The following BAHCC1 variants were observed in gnomAD, a reference collection of about 807,000 sequenced individuals.
BAHCC1 encodes the protein BAH domain and coiled-coil containing 1, also known as BAH and coiled-coil domain-containing protein 1.
A neutral mutation model predicts 88.2 loss-of-function variants in BAHCC1; 43 were observed. That is an observed-to-expected ratio of 0.49 (90% confidence interval 0.38 to 0.63). BAHCC1 has a LOEUF of 0.63. BAHCC1 is among the 20% of genes least tolerant of loss of function. The pLI is 0.00. For synonymous variants in BAHCC1, 1,510 were observed against 745.5 expected (o/e 2.03, Z -16.71); for missense variants, 3,023 against 1,654.8 (o/e 1.83, Z -14.34).
In BAHCC1 at chr17:81,399,770, C is replaced by T. The variant is rs1485023074; in HGVS notation, c.31C>T (p.His11Tyr). Residue 11 changes from histidine to tyrosine, a missense_variant, in exon 2 of 28, where the codon CAT becomes TAT. Physicochemically the swap from His to Tyr is moderately conservative, Grantham distance 83 (BLOSUM62 2). Transcript: ENST00000675386. The surrounding 1 kb of genome is among the most constrained non-coding windows in gnomAD (Gnocchi z 4.5). ...TGGCCGCGACTTTGCGCCGCCGCCG[C>T]ATCTGCTGTCGGAGCGCGGGAGCCT... is the stretch of plus-strand genomic sequence containing the variant. The part of the protein sequence containing the change: MDGRDFAPPP[H>Y]LLSERGSLGH... The T allele has an allele frequency of 3.3e-6, 4 of 1,218,496 alleles. No homozygotes were observed. The highest frequency in any genetic ancestry group is 3.3e-5 in the South Asian group (1 of 29,880). 75.5% of individuals were successfully genotyped at this position (1,218,496 alleles called of 1,614,324 possible).
intron 2 of BAHCC1, among the ~76,000 whole-genome samples, chr17:81,420,203 C>G (rs556125621): frequency 6.6e-6 from 1 of 152,220 alleles, no homozygotes; most frequent in Non-Finnish European, 1.5e-5. Flanking sequence ...CCCTTCTTAG[C>G]CATCCATGGC....
chr17:81,439,836 C>T (rs2143495323), intron 4 of BAHCC1, among the ~76,000 whole-genome samples: 1 of 152,240 alleles, frequency 6.6e-6, no homozygotes, highest in Admixed American at 6.5e-5. Flanking sequence ...GACCCCAACT[C>T]TGAGTGTGAG....
intron 2 of BAHCC1, among the ~76,000 whole-genome samples, chr17:81,423,056 C>G (rs1290826973): frequency 6.6e-6 from 1 of 152,170 alleles, no homozygotes; most frequent in African/African-American, 2.4e-5. Flanking sequence ...GTCCGGGAAG[C>G]CCCTGGCTCG....
chr17:81,399,784 G>C lies in BAHCC1; in HGVS notation c.45G>C (p.Glu15Asp). The change falls in exon 2 of 28, where the codon GAG becomes GAC. Residue 15 changes from glutamate (E) to aspartate (D), a missense_variant. Glu to Asp is a conservative substitution (Grantham distance 45). Transcript: ENST00000675386. This position sits in a 1 kb window ranked among gnomAD's most constrained non-coding sequence, Gnocchi z 4.5. Reference sequence around the variant, plus strand: ...CGCCGCCGCCGCATCTGCTGTCGGAGCGCGGGAGCCTGGGCCACCGCAGCG... The same window carrying C: ...CGCCGCCGCCGCATCTGCTGTCGGACCGCGGGAGCCTGGGCCACCGCAGCG... ...DFAPPPHLLS[E>D]RGSLGHRSAA... The C allele has an allele frequency of 8.0e-7, 1 of 1,246,634 alleles. No individual in the cohort carries two copies. The allele number at this position is 1,246,634 out of a possible 1,614,324, so 77.2% of individuals were successfully genotyped here.
rs1186483523 is a variant in BAHCC1 at position 81,399,765 on chromosome 17, C to A, written c.26C>A (p.Pro9Gln). 8.3e-7 allele frequency: 1 copy of A among 1,205,620 alleles called. No homozygotes were observed. The highest frequency in any genetic ancestry group is 4.3e-5 in the Admixed American group (1 of 23,396). 74.7% of individuals were successfully genotyped at this position (1,205,620 alleles called of 1,614,324 possible). The change falls in exon 2 of 28, where the codon CCG (proline) becomes CAG (glutamine). Residue 9 changes from proline (P) to glutamine (Q), a missense_variant. By Grantham distance (76) the Pro-to-Gln change is moderately conservative (BLOSUM62 -1). Coordinates refer to ENST00000675386, the MANE Select transcript of BAHCC1 (RefSeq NM_001377448.1). This position sits in a 1 kb window ranked among gnomAD's most constrained non-coding sequence, Gnocchi z 4.5. ...ATGGATGGCCGCGACTTTGCGCCGC[C>A]GCCGCATCTGCTGTCGGAGCGCGGG... Reference protein sequence around the residue: MDGRDFAPPPHLLSERGSL... With the variant: MDGRDFAPQPHLLSERGSL...
Position 81,443,134 on chromosome 17 carries a change from C to T in BAHCC1, c.1785C>T (p.Ala595=), listed in dbSNP as rs376914295. The T allele has an allele frequency of 2.6e-5, 20 of 777,778 alleles. No homozygotes were observed. Among genetic ancestry groups the T allele is most frequent in the South Asian group, 5.4e-5 (4 of 74,558 alleles). The allele number at this position is 777,778 out of a possible 1,614,324, so 48.2% of individuals were successfully genotyped here. The part of the protein sequence containing the change: ...GVQAGQGTAM[A]ISEERKAGAY... ...AGGCAGGCCAGGGCACCGCCATGGC[C>T]ATCAGCGAGGAGCGCAAGGCTGGCG... Residue 595 remains alanine (A), a synonymous_variant, in exon 5 of 28, where the codon GCC becomes GCT. Coordinates refer to ENST00000675386, the MANE Select transcript of BAHCC1 (RefSeq NM_001377448.1).
chr17:81,446,689 C>T (rs1555654431), intron 10 of BAHCC1: 1 of 429,812 alleles, frequency 2.3e-6, no homozygotes, highest in East Asian at 6.3e-5. Context: ...GCTTGGACCA[C>T]AGGCATGCAC....
Position 81,411,779 on chromosome 17 carries a change from G to C in BAHCC1, c.178+11862G>C, listed in dbSNP as rs1259925491. On this transcript the variant is annotated intron_variant, in intron 2 of 27. Coordinates refer to ENST00000675386, the MANE Select transcript of BAHCC1 (RefSeq NM_001377448.1). This position sits in a 1 kb window ranked among gnomAD's most constrained non-coding sequence, Gnocchi z 6.2. ...CCAACCCAGCCTCCCTGGGTCTCTGGGCCTTTGCCTCTACCCACACCTGCA... is the reference window on the plus strand; with the variant it reads ...CCAACCCAGCCTCCCTGGGTCTCTGCGCCTTTGCCTCTACCCACACCTGCA... Among the ~76,000 whole-genome samples, 2 of 152,140 alleles carry C rather than the reference G, an allele frequency of 1.3e-5. No individual in the cohort carries two copies. The highest frequency in any genetic ancestry group is 2.4e-5 in the African/African-American group (1 of 41,432).
chr17:81,462,657 C>T (rs1294948359), intron 26 of BAHCC1, 83 bp from the exon 27 acceptor site: 6 of 685,822 alleles, frequency 8.7e-6, no homozygotes, highest in Middle Eastern at 5.3e-4. Context: ...CACACCCACA[C>T]CACACCCTCC....
intron 2 of BAHCC1, chr17:81,407,503 C>G (rs1567995417): frequency 2.3e-6 from 1 of 438,546 alleles, no homozygotes; most frequent in Admixed American, 2.5e-5. Flanking sequence ...TGAGAGTGAG[C>G]AGATCCAGGG....
intron 15 of BAHCC1, among the ~76,000 whole-genome samples, chr17:81,455,615 C>G (rs2064734507): frequency 6.6e-6 from 1 of 152,208 alleles, no homozygotes; most frequent in African/African-American, 2.4e-5. Context: ...GCCCACGTCA[C>G]TCCACCCTCC....
intron 4 of BAHCC1, among the ~76,000 whole-genome samples, chr17:81,440,169 G>A (rs924041445): frequency 8.5e-5 from 13 of 152,154 alleles, no homozygotes; most frequent in African/African-American, 1.9e-4. Flanking sequence ...GGACAGCCCC[G>A]CAGGCCCCGT....
intron 2 of BAHCC1, among the ~76,000 whole-genome samples, chr17:81,417,747 C>A (rs1184036493): frequency 2.0e-5 from 3 of 152,208 alleles, no homozygotes; most frequent in Admixed American, 2.0e-4. Context: ...CTATTAAGGC[C>A]TGAGAGACGC....
At chr17:81,419,905 C>T (rs1308719910) in intron 2 of BAHCC1, among the ~76,000 whole-genome samples, 2 of 151,274 alleles carry the variant, frequency 1.3e-5, no homozygotes, top group Non-Finnish European at 2.9e-5. Flanking sequence ...CCGCGCCCGC[C>T]TCTCCCGGCT....
intron 1 of BAHCC1, chr17:81,396,769 C>G (rs556334891): frequency 6.6e-6 from 1 of 152,370 alleles, no homozygotes; most frequent in Non-Finnish European, 1.5e-5. Context: ...GCTCCAGGGT[C>G]ACGCCCTGCC....
At chr17:81,441,667 T>TC (rs1280905957) in intron 4 of BAHCC1, among the ~76,000 whole-genome samples, 164 bp from the exon 5 acceptor site, 33 of 37,012 alleles carry the variant, frequency 8.9e-4, no homozygotes, top group Non-Finnish European at 1.6e-3. Flanking sequence ...AGACTCCGTC[T>TC]CAAAAAAAAA....
chr17:81,438,553 G>GGA, intron 4 of BAHCC1, 61 bp downstream of exon 4: 1 of 723,288 alleles, frequency 1.4e-6, no homozygotes, highest in Non-Finnish European at 2.6e-6. Context: ...AGGGGGCGCA[G>GGA]GAGCTTCTGG....
At position 81,444,793 on chromosome 17, in the gene BAHCC1, G is replaced by C. The variant is rs1568021166; in HGVS notation, c.2638G>C (p.Glu880Gln). 2 of 778,396 alleles carry C rather than the reference G, an allele frequency of 2.6e-6. No homozygotes were observed. Among genetic ancestry groups the C allele is most frequent in the Admixed American group, 1.7e-5 (1 of 58,884 alleles). The allele number at this position is 778,396 out of a possible 1,614,324, so 48.2% of individuals were successfully genotyped here. A position where few individuals can be genotyped will look rare whatever the true frequency, so the allele number is the denominator to read the frequency against. The change falls in exon 8 of 28, where the codon GAG (glutamate) becomes CAG (glutamine). Residue 880 changes from glutamate (E) to glutamine (Q), a missense_variant. Glu to Gln is a conservative substitution (Grantham distance 29). Coordinates refer to ENST00000675386, the MANE Select transcript of BAHCC1 (RefSeq NM_001377448.1). ...CACACAGCTGGTCATCCTGCCCTCA[G>C]AGCCCACACCCCACAGCGCCCCCCA... The part of the protein sequence containing the change: ...APTQLVILPS[E>Q]PTPHSAPHAL...
At chr17:81,406,514 C>A (rs1337104379) in intron 2 of BAHCC1, among the ~76,000 whole-genome samples, 1 of 152,248 alleles carries the variant, frequency 6.6e-6, no homozygotes. Context: ...TGGAAAATCA[C>A]CCGCAGCCCA....
Sources: allele counts gnomAD v4.1 joint callset (sites outside exome capture counted in the v4.1 genomes callset), GRCh38; gene constraint gnomAD v4.1.1; non-coding constraint Gnocchi (gnomAD v3.1); transcripts MANE v1.5; gene names NCBI Gene and HGNC (gene_info 2026-07-23, HGNC 2026-07-21).